The following CIMIP5 variants were observed in gnomAD, a reference collection of about 807,000 sequenced individuals.
CIMIP5 encodes the protein ciliary microtubule inner protein 5.
chr2:11,145,437 A>G, the CIMIP5 span: 1 of 152,180 alleles, frequency 6.6e-6, no homozygotes, highest in Non-Finnish European at 1.5e-5. Flanking sequence ...TCCACCTTTT[A>G]AGGACCCTTG....
At chr2:11,143,852 G>A in the CIMIP5 span, 1 of 1,352,138 alleles carries the variant, frequency 7.4e-7, no homozygotes, top group South Asian at 1.7e-5. Flanking sequence ...TCTCTGCTCT[G>A]TTTTCTCCCA....
At chr2:11,133,386 C>T in the CIMIP5 span, 9 of 1,612,326 alleles carry the variant, frequency 5.6e-6, no homozygotes, top group African/African-American at 5.3e-5. Context: ...AGCTGGGTAC[C>T]GATTGCCCCC....
chr2:11,147,501 G>T, the CIMIP5 span, among the ~76,000 whole-genome samples: 648 of 152,302 alleles, frequency 4.3e-3, 2 homozygotes, highest in African/African-American at 0.015. Flanking sequence ...TCACAGGTCT[G>T]CATGTAGCTG....
the CIMIP5 span, chr2:11,145,678 T>C: frequency 6.6e-6 from 1 of 152,222 alleles, no homozygotes; most frequent in Admixed American, 6.5e-5. Flanking sequence ...GCCTGGTCCA[T>C]GAGACACTCC....
chr2:11,133,983 G>A, the CIMIP5 span, among the ~76,000 whole-genome samples: 160 of 152,180 alleles, frequency 1.1e-3, no homozygotes, highest in Admixed American at 2.0e-3. Flanking sequence ...GCTCTGAAAC[G>A]AGACCAGACT....
At chr2:11,140,086 C>CA in the CIMIP5 span, among the ~76,000 whole-genome samples, 47,707 of 84,724 alleles carry the variant, frequency 0.56, 14,563 homozygotes, top group Non-Finnish European at 0.68. Context: ...GACTCCCTCT[C>CA]AAAAAAAAAA....
chr2:11,139,021 G>A, the CIMIP5 span, among the ~76,000 whole-genome samples: 11 of 151,920 alleles, frequency 7.2e-5, no homozygotes, highest in East Asian at 1.9e-4. Context: ...GGGCTCAAGC[G>A]ATTCTCCTGC....
At chr2:11,136,784 G>GA in the CIMIP5 span, among the ~76,000 whole-genome samples, 1 of 152,214 alleles carries the variant, frequency 6.6e-6, no homozygotes, top group Non-Finnish European at 1.5e-5. Context: ...ATTTTAGAAG[G>GA]AAACGGGTGG....
At chr2:11,154,080 C>T in the CIMIP5 span, among the ~76,000 whole-genome samples, 62,952 of 151,796 alleles carry the variant, frequency 0.41, 13,390 homozygotes, top group South Asian at 0.5. Context: ...GGGTTCAAGC[C>T]ATCCTCCTGT....
the CIMIP5 span, among the ~76,000 whole-genome samples, chr2:11,153,182 G>A: frequency 6.6e-6 from 1 of 152,166 alleles, no homozygotes; most frequent in African/African-American, 2.4e-5. Flanking sequence ...AAGTAGCCAG[G>A]GAGGGGTCTA....
At chr2:11,146,903 G>A in the CIMIP5 span, 3 of 152,228 alleles carry the variant, frequency 2.0e-5, no homozygotes, top group African/African-American at 7.2e-5. Flanking sequence ...CCCTGAGCCT[G>A]CCTTATATTA....
chr2:11,140,701 G>A, the CIMIP5 span: 2 of 492,830 alleles, frequency 4.1e-6, no homozygotes, highest in East Asian at 6.7e-5. Context: ...AAGGAATGCA[G>A]GGTCCGTTGG....
the CIMIP5 span, among the ~76,000 whole-genome samples, chr2:11,135,011 C>CAG: frequency 6.6e-6 from 1 of 151,948 alleles, no homozygotes; most frequent in African/African-American, 2.4e-5. Flanking sequence ...GACCAAGAGA[C>CAG]AGAGAGAGAG....
At chr2:11,142,713 A>AT in the CIMIP5 span, among the ~76,000 whole-genome samples, 23,190 of 104,052 alleles carry the variant, frequency 0.22, 3,243 homozygotes, top group East Asian at 0.36. Flanking sequence ...CACTTGTCAG[A>AT]TTTTTTTTTT....
chr2:11,133,184 G>T, the CIMIP5 span: 1 of 915,472 alleles, frequency 1.1e-6, no homozygotes, highest in Middle Eastern at 3.2e-4. Context: ...TGAGCTCGAG[G>T]CCTAAAGGGA....
the CIMIP5 span, chr2:11,144,169 C>T: frequency 7.1e-7 from 1 of 1,410,672 alleles, no homozygotes; most frequent in South Asian, 1.5e-5. Flanking sequence ...ACAAGAGACC[C>T]AGCCCACAAC....
At chr2:11,151,933 C>T in the CIMIP5 span, among the ~76,000 whole-genome samples, 2 of 152,244 alleles carry the variant, frequency 1.3e-5, no homozygotes, top group African/African-American at 4.8e-5. Context: ...CGCGCTCCGA[C>T]TGGGGATGGA....
At chr2:11,133,197 G>A in the CIMIP5 span, 2 of 1,078,248 alleles carry the variant, frequency 1.9e-6, no homozygotes, top group Admixed American at 3.6e-5. Context: ...TAAAGGGACA[G>A]TGAGGAGGAC....
chr2:11,144,165 G>A, the CIMIP5 span: 1 of 1,463,420 alleles, frequency 6.8e-7, no homozygotes, highest in Non-Finnish European at 9.1e-7. Flanking sequence ...GGGGACAAGA[G>A]ACCCAGCCCA....
Sources: allele counts gnomAD v4.1 joint callset (sites outside exome capture counted in the v4.1 genomes callset), GRCh38; gene constraint gnomAD v4.1.1; transcripts MANE v1.5; gene names NCBI Gene and HGNC (gene_info 2026-07-23, HGNC 2026-07-21).